GALNT18: variants seen among roughly 807,000 people sequenced by gnomAD.
The protein encoded by GALNT18 is GalNAc-transferase 18.
Under a neutral mutation model 69.5 loss-of-function variants are expected in GALNT18, and 44 were observed. The observed-to-expected ratio is 0.63, with a 90% confidence interval of 0.50 to 0.81. The LOEUF (loss-of-function observed/expected upper bound fraction) is 0.81, where lower values mean the gene tolerates loss of function less well. Ranked by LOEUF, GALNT18 falls within the 40% of genes least tolerant of loss-of-function variation. The probability of loss-of-function intolerance (pLI) is 0.00; values close to 1 mark genes in which losing one functional copy is unlikely to be tolerated. For synonymous variants in GALNT18, 364 were observed against 318.2 expected (o/e 1.14, Z -1.53); for missense variants, 715 against 810.0 (o/e 0.88, Z 1.42).
chr11:11,458,011 C>T (rs1855961226), intron 1 of GALNT18, among the ~76,000 whole-genome samples: 1 of 152,194 alleles, frequency 6.6e-6, no homozygotes, highest in Admixed American at 6.5e-5. Flanking sequence ...CCATGGGCCC[C>T]GAGACCCTGA....
In GALNT18 at chr11:11,339,495, C is replaced by CT. The variant is rs1443747402; in HGVS notation, c.1278+1323dup. On this transcript the variant is annotated intron_variant, in intron 7 of 10. Coordinates refer to ENST00000227756, the MANE Select transcript of GALNT18 (RefSeq NM_198516.3). This position sits in a 1 kb window ranked among gnomAD's most constrained non-coding sequence, Gnocchi z 5.2. Reference sequence around the variant, plus strand: ...CCTGCTATGCCTCACTGGTGAGCTCCTGGGGAGTTTCCAAGTGTTCTTAAT... The same window carrying CT: ...CCTGCTATGCCTCACTGGTGAGCTCCTTGGGGAGTTTCCAAGTGTTCTTAAT... Among the ~76,000 whole-genome samples the CT allele has an allele frequency of 6.6e-6, 1 of 152,122 alleles. No individual in the cohort carries two copies. The highest frequency in any genetic ancestry group is 1.5e-5 in the Non-Finnish European group (1 of 68,026).
At chr11:11,437,602 G>A (rs140785394) in intron 2 of GALNT18, among the ~76,000 whole-genome samples, 10 of 152,096 alleles carry the variant, frequency 6.6e-5, no homozygotes, top group Admixed American at 4.6e-4. Context: ...CCCAGTTCTC[G>A]GCCACCAGAT....
At chr11:11,353,278 C>A in intron 6 of GALNT18, 1 of 822,100 alleles carries the variant, frequency 1.2e-6, no homozygotes, top group Non-Finnish European at 1.9e-6. Context: ...TCTGCTCACA[C>A]AGACAATATG....
At chr11:11,550,816 T>C (rs2133968690) in intron 1 of GALNT18, among the ~76,000 whole-genome samples, 1 of 152,374 alleles carries the variant, frequency 6.6e-6, no homozygotes, top group East Asian at 1.9e-4. Context: ...TAATTTCACT[T>C]AATTTAAATG....
At position 11,497,010 on chromosome 11, in the gene GALNT18, T is replaced by C. The variant is rs537006638; in HGVS notation, c.236-48074A>G. Among the ~76,000 whole-genome samples, 4 of 152,252 alleles carry C rather than the reference T, an allele frequency of 2.6e-5. No individual in the cohort carries two copies. Among genetic ancestry groups the C allele is most frequent in the African/African-American group, 7.2e-5 (3 of 41,560 alleles). On this transcript the variant is annotated intron_variant, in intron 1 of 10. Transcript: ENST00000227756. The surrounding 1 kb of genome is among the most constrained non-coding windows in gnomAD (Gnocchi z 4.2). ...CCAAGGGCCTCATCGGTCCTGCTCA[T>C]CCCATCCTTCTCTTGCTCACTCTGC...
At position 11,541,609 on chromosome 11, in the gene GALNT18, C is replaced by T. The variant is rs1857924612; in HGVS notation, c.235+79750G>A. On this transcript the variant is annotated intron_variant, in intron 1 of 10. Transcript: ENST00000227756. The surrounding 1 kb of genome is among the most constrained non-coding windows in gnomAD (Gnocchi z 4.8). ...CCTGGGCTGGCACCCCAGCCCCACC[C>T]ACAAATGCATCTCTGCCTTCAGATC... 6.6e-6 allele frequency among the ~76,000 whole-genome samples: 1 copy of T among 152,196 alleles called. No individual in the cohort carries two copies. Among genetic ancestry groups the T allele is most frequent in the African/African-American group, 2.4e-5 (1 of 41,452 alleles).
rs1435495801 is a variant in GALNT18, at chr11:11,595,697, T to C, written c.235+25662A>G. Among the ~76,000 whole-genome samples, 1 of 152,234 alleles carries C rather than the reference T, an allele frequency of 6.6e-6. No individual in the cohort carries two copies. The highest frequency in any genetic ancestry group is 1.5e-5 in the Non-Finnish European group (1 of 68,044). On this transcript the variant is annotated intron_variant, in intron 1 of 10. Coordinates refer to ENST00000227756, the MANE Select transcript of GALNT18 (RefSeq NM_198516.3). The surrounding 1 kb of genome is among the most constrained non-coding windows in gnomAD (Gnocchi z 5.2). ...TTGTATATCTTCTTCAGAGAATTTG[T>C]CTATTGAGATGTTTTGCCTATTTTT...
chr11:11,332,601 G>T lies in GALNT18; in HGVS notation c.1416+93C>A. On this transcript the variant is annotated intron_variant, in intron 8 of 10. Coordinates refer to ENST00000227756, the MANE Select transcript of GALNT18 (RefSeq NM_198516.3). This position sits in a 1 kb window ranked among gnomAD's most constrained non-coding sequence, Gnocchi z 4.3. ...AGGCCTACTGCAGTTCTTCATGTGA[G>T]CAGCTGAGAGGCTCTTTCCCTCCTC... is the stretch of plus-strand genomic sequence containing the variant. The T allele has an allele frequency of 7.0e-7, 1 of 1,431,832 alleles. No individual in the cohort carries two copies. The highest frequency in any genetic ancestry group is 9.7e-7 in the Non-Finnish European group (1 of 1,034,082). 88.7% of individuals were successfully genotyped at this position (1,431,832 alleles called of 1,614,324 possible). A position where few individuals can be genotyped will look rare whatever the true frequency, so the allele number is the denominator to read the frequency against.
intron 5 of GALNT18, among the ~76,000 whole-genome samples, chr11:11,373,942 C>T (rs10047474): frequency 0.53 from 81,156 of 152,056 alleles, 21,887 homozygotes; most frequent in Middle Eastern, 0.62. Context: ...CCATCACATG[C>T]AAATGAACCC....
At chr11:11,578,533 G>A (rs1029659556) in intron 1 of GALNT18, among the ~76,000 whole-genome samples, 1 of 152,210 alleles carries the variant, frequency 6.6e-6, no homozygotes, top group Admixed American at 6.5e-5. Context: ...CAATTAAGAA[G>A]AGGTTTCCCT....
At position 11,591,170 on chromosome 11, in the gene GALNT18, G is replaced by GTA. The variant is rs1055177934; in HGVS notation, c.235+30188_235+30189insTA. ...TAGGCCTAGGCTACCGTGTGTGTGT[G>GTA]TGTGTGTGTGTGTGTTAGTTTTTAA... On this transcript the variant is annotated intron_variant, in intron 1 of 10. Coordinates refer to ENST00000227756, the MANE Select transcript of GALNT18 (RefSeq NM_198516.3). The surrounding 1 kb of genome is among the most constrained non-coding windows in gnomAD (Gnocchi z 4.8). Among the ~76,000 whole-genome samples, 1 of 151,774 alleles carries GTA rather than the reference G, an allele frequency of 6.6e-6. No individual in the cohort carries two copies. Among genetic ancestry groups the GTA allele is most frequent in the African/African-American group, 2.4e-5 (1 of 41,228 alleles).
intron 1 of GALNT18, among the ~76,000 whole-genome samples, chr11:11,549,714 C>A (rs1434079382): frequency 1.3e-5 from 2 of 152,202 alleles, no homozygotes; most frequent in Non-Finnish European, 2.9e-5. Context: ...GTAGTGGTAA[C>A]CTTCTTTGAA....
chr11:11,382,111 G>A lies in GALNT18; in HGVS notation c.596-2847C>T, dbSNP rs904962755. 2.0e-5 allele frequency among the ~76,000 whole-genome samples: 3 copies of A among 152,174 alleles called. No homozygotes were observed. The highest frequency in any genetic ancestry group is 2.9e-5 in the Non-Finnish European group (2 of 68,020). On this transcript the variant is annotated intron_variant, in intron 3 of 10. Coordinates refer to ENST00000227756, the MANE Select transcript of GALNT18 (RefSeq NM_198516.3). The surrounding 1 kb of genome is among the most constrained non-coding windows in gnomAD (Gnocchi z 4.3). ...CGAGCTCTGTTAACACTGAGCTAGA[G>A]TAAAGGCTTCTGGTGGACCAGATAG...
chr11:11,380,061 A>C (rs1212315123), intron 3 of GALNT18, among the ~76,000 whole-genome samples: 1 of 152,222 alleles, frequency 6.6e-6, no homozygotes, highest in Non-Finnish European at 1.5e-5. Context: ...TGAACCAAGC[A>C]TCCATCCCAA....
In GALNT18 at chr11:11,430,949, C is replaced by A. The variant is rs970309636; in HGVS notation, c.595+1672G>T. On this transcript the variant is annotated intron_variant, in intron 3 of 10. Coordinates refer to ENST00000227756, the MANE Select transcript of GALNT18 (RefSeq NM_198516.3). This position sits in a 1 kb window ranked among gnomAD's most constrained non-coding sequence, Gnocchi z 4.9. ...GACCAAAAGCTTTAGATAGTTATTG[C>A]CATTTACAAAATAGAGTTCAAACTC... Among the ~76,000 whole-genome samples the A allele has an allele frequency of 3.9e-5, 6 of 152,192 alleles. No individual in the cohort carries two copies. The highest frequency in any genetic ancestry group is 1.4e-4 in the African/African-American group (6 of 41,438).
chr11:11,501,240 C>G (rs908774002), intron 1 of GALNT18, among the ~76,000 whole-genome samples: 7 of 152,028 alleles, frequency 4.6e-5, no homozygotes, highest in Non-Finnish European at 8.8e-5. Context: ...TGCACAGCAC[C>G]CTCGTGGTTT....
chr11:11,285,012 T>C (rs1590007079), intron 10 of GALNT18, among the ~76,000 whole-genome samples: 2 of 147,442 alleles, frequency 1.4e-5, no homozygotes, highest in South Asian at 2.2e-4. Flanking sequence ...AAGGGCCCCT[T>C]GGACTGAAGA....
chr11:11,374,180 G>A (rs1273993628), intron 5 of GALNT18, among the ~76,000 whole-genome samples: 1 of 152,192 alleles, frequency 6.6e-6, no homozygotes, highest in East Asian at 1.9e-4. Flanking sequence ...AGACCCTGCT[G>A]TGGTGGAGGT....
chr11:11,434,660 G>C (rs1226453200), intron 2 of GALNT18, among the ~76,000 whole-genome samples: 1 of 152,106 alleles, frequency 6.6e-6, no homozygotes, highest in African/African-American at 2.4e-5. Context: ...CAAGGGTTCT[G>C]TGGATCCAAG....
Sources: allele counts gnomAD v4.1 joint callset (sites outside exome capture counted in the v4.1 genomes callset), GRCh38; gene constraint gnomAD v4.1.1; non-coding constraint Gnocchi (gnomAD v3.1); transcripts MANE v1.5; gene names NCBI Gene and HGNC (gene_info 2026-07-23, HGNC 2026-07-21).